The following KIF21A variants were observed in gnomAD, a reference collection of about 807,000 sequenced individuals.
The protein encoded by KIF21A is kinesin family member 21A.
In KIF21A, 114 loss-of-function variants were observed where a neutral mutation model predicts 202.9. That is an observed-to-expected ratio of 0.56 (90% confidence interval 0.48 to 0.66). The LOEUF (loss-of-function observed/expected upper bound fraction) is 0.66, where lower values mean the gene tolerates loss of function less well. Ranked by LOEUF, KIF21A falls within the 30% of genes least tolerant of loss-of-function variation. The probability of loss-of-function intolerance (pLI) is 0.00; values close to 1 mark genes in which losing one functional copy is unlikely to be tolerated. For synonymous variants in KIF21A, 667 were observed against 670.8 expected (o/e 0.99, Z 0.09); for missense variants, 1,677 against 1,994.9 (o/e 0.84, Z 3.04).
intron 28 of KIF21A, 30 bp from the exon 29 acceptor site, chr12:39,318,231 G>C: frequency 1.2e-6 from 2 of 1,606,662 alleles, no homozygotes; most frequent in Non-Finnish European, 1.7e-6. Flanking sequence ...TTAAGTAGGT[G>C]GCTTTAATTG....
At chr12:39,343,798 G>A (rs563327654) in intron 12 of KIF21A, among the ~76,000 whole-genome samples, 43 of 152,270 alleles carry the variant, frequency 2.8e-4, no homozygotes, top group Non-Finnish European at 1.0e-4. Context: ...GTTTGCCTCC[G>A]CATTACATCC....
In KIF21A at chr12:39,332,892, C is replaced by T; in HGVS notation, c.2702+1G>A. Reference sequence around the variant, plus strand: ...ATCAGCAGGAACAGAATTATGTAGACCTGTTTCCATTTGTTGCCGGCGTTG... The same window carrying T: ...ATCAGCAGGAACAGAATTATGTAGATCTGTTTCCATTTGTTGCCGGCGTTG... On this transcript the variant is annotated splice_donor_variant, in intron 19 of 37. Transcript: ENST00000361418. LOFTEE classifies it high-confidence loss of function. 1 of 1,613,152 alleles carries T rather than the reference C, an allele frequency of 6.2e-7. No individual in the cohort carries two copies. Among genetic ancestry groups the T allele is most frequent in the South Asian group, 1.1e-5 (1 of 91,046 alleles).
intron 31 of KIF21A, 123 bp from the exon 32 acceptor site, chr12:39,311,676 T>C (rs1202339131): frequency 2.2e-6 from 2 of 897,028 alleles, no homozygotes; most frequent in Non-Finnish European, 3.5e-6. Context: ...AGTAATAAAA[T>C]CCAGACTGCT....
intron 5 of KIF21A, among the ~76,000 whole-genome samples, 200 bp from the exon 6 acceptor site, chr12:39,366,717 T>C (rs971780426): frequency 6.6e-6 from 1 of 152,184 alleles, no homozygotes; most frequent in South Asian, 2.1e-4. Context: ...TCAACTATTA[T>C]CAACTGAGGC....
chr12:39,336,661 C>G (rs577758526), intron 17 of KIF21A, among the ~76,000 whole-genome samples: 1 of 152,048 alleles, frequency 6.6e-6, no homozygotes, highest in Non-Finnish European at 1.5e-5. Context: ...TCAAAGGATA[C>G]AAAAATTTTG....
chr12:39,390,189 G>GCAA (rs1221164784), intron 1 of KIF21A, among the ~76,000 whole-genome samples: 5 of 151,998 alleles, frequency 3.3e-5, no homozygotes, highest in South Asian at 2.1e-4. Flanking sequence ...ATTCAAAATG[G>GCAA]CAACAACAAC....
intron 8 of KIF21A, 140 bp downstream of exon 8, chr12:39,358,038 C>T (rs749608450): frequency 1.7e-4 from 112 of 664,652 alleles, no homozygotes; most frequent in Non-Finnish European, 2.5e-4. Context: ...AAACTAGAGA[C>T]TCTTACCTCC....
intron 1 of KIF21A, among the ~76,000 whole-genome samples, chr12:39,400,978 A>C (rs1486274192): frequency 3.3e-5 from 5 of 152,192 alleles, no homozygotes; most frequent in Non-Finnish European, 7.3e-5. Context: ...TACTCATGGA[A>C]GCCAAACCAG....
intron 33 of KIF21A, 99 bp from the exon 34 acceptor site, chr12:39,307,828 A>C (rs1269417555): frequency 9.5e-6 from 9 of 945,730 alleles, no homozygotes; most frequent in Non-Finnish European, 1.5e-5. Context: ...GGCAACAACA[A>C]GAACAGTGTC....
intron 1 of KIF21A, among the ~76,000 whole-genome samples, chr12:39,417,165 T>TA (rs984843402): frequency 4.7e-5 from 7 of 149,878 alleles, no homozygotes; most frequent in East Asian, 3.9e-4. Context: ...AAGGGGTACA[T>TA]AAAAAAAAAG....
intron 1 of KIF21A, among the ~76,000 whole-genome samples, chr12:39,403,267 C>G (rs1952314858): frequency 6.6e-6 from 1 of 152,070 alleles, no homozygotes; most frequent in African/African-American, 2.4e-5. Flanking sequence ...CAGTACATGC[C>G]CTTATGGAAC....
intron 37 of KIF21A, among the ~76,000 whole-genome samples, chr12:39,300,988 A>G (rs1156308564): frequency 6.6e-6 from 1 of 152,180 alleles, no homozygotes; most frequent in Admixed American, 6.5e-5. Context: ...AGTCTGGAAC[A>G]ATTCCCAGCA....
chr12:39,336,058 T>C (rs1946937285), intron 17 of KIF21A, among the ~76,000 whole-genome samples: 1 of 152,140 alleles, frequency 6.6e-6, no homozygotes, highest in South Asian at 2.1e-4. Context: ...GGCTGAAACC[T>C]AACCAATAAT....
intron 31 of KIF21A, chr12:39,312,269 C>G (rs1015215426): frequency 6.6e-6 from 1 of 151,780 alleles, no homozygotes; most frequent in Non-Finnish European, 1.5e-5. Context: ...ATAAGCCAGG[C>G]ACAGAAAGAG....
chr12:39,336,996 A>T (rs1947032822), intron 17 of KIF21A, 100 bp downstream of exon 17: 7 of 740,374 alleles, frequency 9.5e-6, no homozygotes, highest in Admixed American at 3.9e-5. Context: ...CTTAACCTGC[A>T]ATTAGTAGTT....
At chr12:39,361,348 C>G (rs1949193565) in intron 7 of KIF21A, among the ~76,000 whole-genome samples, 1 of 151,944 alleles carries the variant, frequency 6.6e-6, no homozygotes, top group Non-Finnish European at 1.5e-5. Flanking sequence ...CCTCTTGATA[C>G]TGAAGATCAA....
chr12:39,296,919 G>A (rs903379889), intron 37 of KIF21A, among the ~76,000 whole-genome samples: 1 of 152,200 alleles, frequency 6.6e-6, no homozygotes, highest in African/African-American at 2.4e-5. Flanking sequence ...GATTATTGTA[G>A]ATTTTGTGTT....
In KIF21A at chr12:39,333,045, C is replaced by T; in HGVS notation, c.2550G>A (p.Arg850=). Residue 850 remains arginine, a synonymous_variant, in exon 19 of 38, where the codon CGG becomes CGA. Coordinates refer to ENST00000361418, the MANE Select transcript of KIF21A (RefSeq NM_001173464.2). ...MSDKVAGKVT[R]KLSSSDAPAQ... is the part of the protein sequence containing the mutation. ...CAGGTGCATCAGATGAACTCAGCTTCCGAGTAACTTTCCCAGCCACTTTAT... is the reference window on the plus strand; with the variant it reads ...CAGGTGCATCAGATGAACTCAGCTTTCGAGTAACTTTCCCAGCCACTTTAT... The T allele has an allele frequency of 6.2e-7, 1 of 1,614,088 alleles. No individual in the cohort carries two copies. The highest frequency in any genetic ancestry group is 8.5e-7 in the Non-Finnish European group (1 of 1,180,016).
intron 31 of KIF21A, among the ~76,000 whole-genome samples, 154 bp downstream of exon 31, chr12:39,315,075 T>C (rs1160876152): frequency 1.3e-5 from 2 of 152,018 alleles, no homozygotes; most frequent in African/African-American, 4.8e-5. Flanking sequence ...TAAAATCAAC[T>C]TTAAACAAGT....
Sources: gnomAD v4.1 joint callset for allele counts (sites outside exome capture counted in the v4.1 genomes callset) on GRCh38, gnomAD v4.1.1 for gene constraint, MANE v1.5 for transcripts, NCBI Gene and HGNC (gene_info 2026-07-23, HGNC 2026-07-21) for gene names.